CCDC88B: variants seen among roughly 807,000 people sequenced by gnomAD.
CCDC88B encodes the protein coiled-coil and HOOK domain protein 88B, also known as coiled-coil domain-containing protein 88B.
CCDC88B carries 138 observed loss-of-function variants against 183.7 expected under a neutral mutation model. The observed-to-expected ratio is 0.75, with a 90% CI of 0.65 to 0.87. The LOEUF (loss-of-function observed/expected upper bound fraction) is 0.87. Among genes scored for constraint, CCDC88B ranks in the 40% least tolerant of loss-of-function variants. The probability of loss-of-function intolerance (pLI) is 0.00; values close to 1 mark genes in which losing one functional copy is unlikely to be tolerated. For synonymous variants in CCDC88B, 835 were observed against 867.5 expected (o/e 0.96, Z 0.66); for missense variants, 1,822 against 1,965.6 (o/e 0.93, Z 1.38).
At position 64,357,241 on chromosome 11, in the gene CCDC88B, T is replaced by G; in HGVS notation, c.*147T>G. 1.0e-6 allele frequency: 1 copy of G among 979,980 alleles called. No individual in the cohort carries two copies. The highest frequency in any genetic ancestry group is 1.6e-6 in the Non-Finnish European group (1 of 616,796). The allele number at this position is 979,980 out of a possible 1,614,324, so 60.7% of individuals were successfully genotyped here. ...GCCTGGGCCCTGAGATCCTCCACGG[T>G]CAGCGCCGGGGCCCGGAGATGGAGC... On this transcript the variant is annotated 3_prime_UTR_variant, in exon 27 of 27. Transcript: ENST00000356786.
At position 64,349,464 on chromosome 11, in the gene CCDC88B, G is replaced by A. The variant is rs372693418; in HGVS notation, c.2744+6G>A. On this transcript the variant is annotated splice_donor_region_variant and intron_variant, in intron 15 of 26. Transcript: ENST00000356786. The stretch of plus-strand genomic sequence containing the variant: ...AAGGAAAGCCAGCACCAGAGGTGGG[G>A]ACAGGGCTGAGGGGAAGAATGAGGG... The A allele has an allele frequency of 6.0e-5, 92 of 1,542,318 alleles. 1 individual carries two copies. The African/African-American group carries it at 1.0e-3, about 17-fold the overall frequency.
chr11:64,353,396 C>G lies in CCDC88B; in HGVS notation c.3733C>G (p.Leu1245Val). 1 of 1,613,520 alleles carries G rather than the reference C, an allele frequency of 6.2e-7. No homozygotes were observed. The highest frequency in any genetic ancestry group is 1.1e-5 in the South Asian group (1 of 91,064). Residue 1245 changes from leucine (L) to valine (V), a missense_variant, in exon 22 of 27, where the codon CTG becomes GTG. Physicochemically the swap from Leu to Val is conservative, Grantham distance 32. Transcript: ENST00000356786. ...RSAQEEENRQ[L>V]LAEVQALSRE... ...TGCCCAGGAAGAGGAGAACCGGCAGCTGCTGGCTGAAGTTCAGGCCCTGAG... is the reference window on the plus strand; with the variant it reads ...TGCCCAGGAAGAGGAGAACCGGCAGGTGCTGGCTGAAGTTCAGGCCCTGAG...
chr11:64,353,739 C>T lies in CCDC88B; in HGVS notation c.3858C>T (p.Arg1286=), dbSNP rs1044091273. 8 of 1,614,086 alleles carry T rather than the reference C, an allele frequency of 5.0e-6. No individual in the cohort carries two copies. Among genetic ancestry groups the T allele is most frequent in the South Asian group, 1.1e-5 (1 of 91,080 alleles). Residue 1286 remains arginine, a synonymous_variant, in exon 23 of 27, where the codon CGC becomes CGT. Coordinates refer to ENST00000356786, the MANE Select transcript of CCDC88B (RefSeq NM_032251.6). ...EYLDQLNALR[R]EKQKLVEKIM... Reference sequence around the variant, plus strand: ...GGGACCAGCTTAATGCCCTGCGCCGCGAGAAGCAGAAGCTCGTGGAGAAGA... The same window carrying T: ...GGGACCAGCTTAATGCCCTGCGCCGTGAGAAGCAGAAGCTCGTGGAGAAGA...
chr11:64,353,187 G>A lies in CCDC88B; in HGVS notation c.3634G>A (p.Glu1212Lys), dbSNP rs1401354304. The change falls in exon 21 of 27, where the codon GAG (glutamate) becomes AAG (lysine). Residue 1212 changes from glutamate (E) to lysine (K), a missense_variant. Coordinates refer to ENST00000356786, the MANE Select transcript of CCDC88B (RefSeq NM_032251.6). ...QLEMQSQQLR[E>K]SNQQLDLSAC... is the part of the protein sequence containing the mutation. ...GGAGATGCAGAGCCAGCAGCTGCGC[G>A]AGTCCAACCAGCAGCTGGACCTGAG... is the stretch of plus-strand genomic sequence containing the variant. 6 of 1,578,678 alleles carry A rather than the reference G, an allele frequency of 3.8e-6. No individual in the cohort carries two copies. Among genetic ancestry groups the A allele is most frequent in the East Asian group, 2.3e-5 (1 of 43,282 alleles).
At chr11:64,340,543 G>C in intron 1 of CCDC88B, 64 bp from the exon 2 acceptor site, 1 of 1,558,500 alleles carries the variant, frequency 6.4e-7, no homozygotes, top group Non-Finnish European at 8.6e-7. Context: ...GGGCTCACTG[G>C]GGCAGGTCGG....
intron 14 of CCDC88B, among the ~76,000 whole-genome samples, chr11:64,346,051 C>CA (rs1286397343): frequency 6.6e-6 from 1 of 152,152 alleles, no homozygotes; most frequent in Non-Finnish European, 1.5e-5. Context: ...AAAGAATGCT[C>CA]AGGGCCCAGG....
chr11:64,351,699 T>G, intron 18 of CCDC88B, 83 bp downstream of exon 18: 1 of 1,413,014 alleles, frequency 7.1e-7, no homozygotes, highest in Non-Finnish European at 9.3e-7. Context: ...CCTTTTTCTA[T>G]CCCAGCTCCC....
At position 64,357,168 on chromosome 11, in the gene CCDC88B, A is replaced by G; in HGVS notation, c.*74A>G. On this transcript the variant is annotated 3_prime_UTR_variant, in exon 27 of 27. Coordinates refer to ENST00000356786, the MANE Select transcript of CCDC88B (RefSeq NM_032251.6). ...TGTCAGCGGAGGCCCCAGGCAGCCC[A>G]AGAGCTCAGGGAGCCAGGGACCCCA... is the stretch of plus-strand genomic sequence containing the variant. 1 of 1,573,446 alleles carries G rather than the reference A, an allele frequency of 6.4e-7. No homozygotes were observed. Among genetic ancestry groups the G allele is most frequent in the Non-Finnish European group, 8.7e-7 (1 of 1,143,158 alleles).
rs2036367700 is a variant in CCDC88B at position 64,352,312 on chromosome 11, A to C, written c.3282A>C (p.Gly1094=). ...LQRRQEAELE[G]LLVRHRDLKA... is the part of the protein sequence containing the mutation. Reference sequence around the variant, plus strand: ...GGCGGCAGGAGGCCGAGCTAGAGGGACTGCTGGTGCGGCACCGAGACCTCA... The same window carrying C: ...GGCGGCAGGAGGCCGAGCTAGAGGGCCTGCTGGTGCGGCACCGAGACCTCA... Residue 1094 remains glycine, a synonymous_variant, in exon 19 of 27, where the codon GGA becomes GGC. Coordinates refer to ENST00000356786, the MANE Select transcript of CCDC88B (RefSeq NM_032251.6). 1 of 1,555,780 alleles carries C rather than the reference A, an allele frequency of 6.4e-7. No individual in the cohort carries two copies. Among genetic ancestry groups the C allele is most frequent in the Non-Finnish European group, 8.7e-7 (1 of 1,151,442 alleles).
At chr11:64,347,697 G>T (rs544954307) in intron 14 of CCDC88B, among the ~76,000 whole-genome samples, 22 of 152,238 alleles carry the variant, frequency 1.4e-4, no homozygotes, top group Non-Finnish European at 3.1e-4. Context: ...TGTGGCTTGG[G>T]GCAAGTTACT....
At position 64,340,638 on chromosome 11, in the gene CCDC88B, C is replaced by T. The variant is rs1316621700; in HGVS notation, c.92C>T (p.Ala31Val). 1 of 1,610,062 alleles carries T rather than the reference C, an allele frequency of 6.2e-7. No individual in the cohort carries two copies. Residue 31 changes from alanine (A) to valine (V), a missense_variant, in exon 2 of 27, where the codon GCG becomes GTG. Transcript: ENST00000356786. ...ALGLAGLVGE[A>V]EDSEGEEEEE... ...GGACTGGCCGGGCTGGTCGGGGAGG[C>T]GGAGGACTCGGAGGGGGAAGAAGAG...
At chr11:64,345,455 A>T (rs1248559087) in intron 14 of CCDC88B, among the ~76,000 whole-genome samples, 1 of 152,158 alleles carries the variant, frequency 6.6e-6, no homozygotes. Context: ...AAACAGGGGT[A>T]CTATTCCTGG....
Position 64,351,278 on chromosome 11 carries a change from C to A in CCDC88B, c.2958+23C>A, listed in dbSNP as rs749483123. 37 of 1,506,742 alleles carry A rather than the reference C, an allele frequency of 2.5e-5. 1 individual carries two copies. The South Asian group carries it at 4.4e-4, about 18-fold the overall frequency. 93.3% of individuals were successfully genotyped at this position (1,506,742 alleles called of 1,614,324 possible). The stretch of plus-strand genomic sequence containing the variant: ...AGTGTGAGTGTGGGCCCACAGTGGG[C>A]CCTGGGGAGGTGCCCCGTGCAGTGT... On this transcript the variant is annotated intron_variant, in intron 17 of 26. Coordinates refer to ENST00000356786, the MANE Select transcript of CCDC88B (RefSeq NM_032251.6).
intron 14 of CCDC88B, among the ~76,000 whole-genome samples, chr11:64,346,625 A>G (rs1481967492): frequency 2.6e-5 from 4 of 151,754 alleles, no homozygotes; most frequent in African/African-American, 4.8e-5. Flanking sequence ...TGTTTTTAGT[A>G]GAGACGGGGT....
Position 64,357,521 on chromosome 11 carries a change from C to A in CCDC88B, c.*427C>A, listed in dbSNP as rs1269788150. ...TGAGGGGCATGAGAATAAAGCTGAA[C>A]TGCAGCCTCCTGAGTCTTGCTCTGT... On this transcript the variant is annotated 3_prime_UTR_variant, in exon 27 of 27. Transcript: ENST00000356786. 23 of 680,910 alleles carry A rather than the reference C, an allele frequency of 3.4e-5. No homozygotes were observed. The East Asian group carries it at 6.2e-4, about 18-fold the overall frequency. 42.2% of individuals were successfully genotyped at this position (680,910 alleles called of 1,614,324 possible). A position where few individuals can be genotyped will look rare whatever the true frequency, so the allele number is the denominator to read the frequency against.
rs189521509 is a variant in CCDC88B, at chr11:64,348,310, C to T, written c.2617-1021C>T. ...GGTTGGAGCAGGAGAAGGTGGCTGG[C>T]CAGGGGGAGGTCAGGGAACCAGGGG... On this transcript the variant is annotated intron_variant, in intron 14 of 26. Coordinates refer to ENST00000356786, the MANE Select transcript of CCDC88B (RefSeq NM_032251.6). Among the ~76,000 whole-genome samples the T allele has an allele frequency of 5.6e-3, 831 of 148,552 alleles. 8 individuals are homozygous for T. Among genetic ancestry groups the T allele is most frequent in the Middle Eastern group, 0.028 (8 of 286 alleles).
At chr11:64,342,930 A>T in intron 10 of CCDC88B, 1 of 189,300 alleles carries the variant, frequency 5.3e-6, no homozygotes, top group East Asian at 9.3e-5. Context: ...CCCGGGGGGG[A>T]GGGGCGGGGC....
In CCDC88B at chr11:64,344,491, A is replaced by G; in HGVS notation, c.1950A>G (p.Pro650=). ...GACAGGAGGGCCCTGAGCACAAGCC[A>G]GGGCCTTCGGAGCCCAGCTCTGTGC... ...GLRQEGPEHK[P]GPSEPSSVQL... The change falls in exon 14 of 27, where the codon CCA becomes CCG. Residue 650 remains proline (P), a synonymous_variant. Transcript: ENST00000356786. The surrounding 1 kb of genome is among the most constrained non-coding windows in gnomAD (Gnocchi z 4.5). 6.2e-7 allele frequency: 1 copy of G among 1,605,956 alleles called. No homozygotes were observed. The highest frequency in any genetic ancestry group is 8.5e-7 in the Non-Finnish European group (1 of 1,175,960).
chr11:64,356,680 G>A (rs1407929413), intron 26 of CCDC88B: 7 of 339,834 alleles, frequency 2.1e-5, no homozygotes, highest in Non-Finnish European at 2.7e-5. Flanking sequence ...CCCTAGACCC[G>A]GCTGGACCAT....
Sources: gnomAD v4.1 joint callset for allele counts (sites outside exome capture counted in the v4.1 genomes callset) on GRCh38, gnomAD v4.1.1 for gene constraint, Gnocchi (gnomAD v3.1) non-coding constraint, MANE v1.5 for transcripts, NCBI Gene and HGNC (gene_info 2026-07-23, HGNC 2026-07-21) for gene names.